The following NUBPL variants were observed in gnomAD, a reference collection of about 807,000 sequenced individuals.
The protein encoded by NUBPL is iron-sulfur cluster transfer protein NUBPL.
NUBPL carries 31 observed loss-of-function variants against 45.7 expected under a neutral mutation model. That is an observed-to-expected ratio of 0.68 (90% CI 0.51 to 0.92). NUBPL has a LOEUF of 0.92. Among genes scored for constraint, NUBPL ranks in the 40% least tolerant of loss-of-function variants. The pLI, the probability that NUBPL is intolerant of heterozygous loss-of-function variation, is 0.00. For missense variants in NUBPL, 401 were observed against 398.7 expected (o/e 1.01, Z -0.05); for synonymous variants, 144 against 140.9 (o/e 1.02, Z -0.15).
intron 4 of NUBPL, among the ~76,000 whole-genome samples, chr14:31,646,907 T>A (rs1449555208): frequency 6.6e-6 from 1 of 152,140 alleles, no homozygotes; most frequent in Non-Finnish European, 1.5e-5. Flanking sequence ...TTTTCTTTCT[T>A]TTTTCTCCTT....
chr14:31,860,932 A>G lies in NUBPL; in HGVS notation c.*1752A>G, dbSNP rs1272832618. On this transcript the variant is annotated 3_prime_UTR_variant, in exon 11 of 11. Transcript: ENST00000281081. ...CCATTTATATAACGTTCTTGAAGTG[A>G]CATAATTATAGAAATGGAGAACAGA... 6.6e-6 allele frequency: 1 copy of G among 152,228 alleles called. No individual in the cohort carries two copies. Among genetic ancestry groups the G allele is most frequent in the Non-Finnish European group, 1.5e-5 (1 of 68,050 alleles). The allele number at this position is 152,228 out of a possible 1,614,324, so 9.4% of individuals were successfully genotyped here.
intron 4 of NUBPL, among the ~76,000 whole-genome samples, chr14:31,649,916 A>G (rs779112062): frequency 1.3e-5 from 2 of 152,062 alleles, no homozygotes; most frequent in African/African-American, 2.4e-5. Context: ...CTGGATTGCA[A>G]TGGCGCAATC....
intron 6 of NUBPL, among the ~76,000 whole-genome samples, chr14:31,776,413 A>C (rs2039099159): frequency 6.6e-6 from 1 of 152,162 alleles, no homozygotes; most frequent in Non-Finnish European, 1.5e-5. Flanking sequence ...CAAGCACTGA[A>C]GCACCAGATT....
At chr14:31,644,327 C>T (rs184061542) in intron 4 of NUBPL, among the ~76,000 whole-genome samples, 8 of 151,802 alleles carry the variant, frequency 5.3e-5, no homozygotes, top group Admixed American at 3.3e-4. Context: ...TTTCCTGTAC[C>T]GTAGATTTTG....
At chr14:31,792,324 A>G (rs1213933173) in intron 7 of NUBPL, among the ~76,000 whole-genome samples, 1 of 152,184 alleles carries the variant, frequency 6.6e-6, no homozygotes, top group Non-Finnish European at 1.5e-5. Flanking sequence ...GGTGCTTACT[A>G]CATTCAGTAA....
At chr14:31,840,573 C>A (rs2138974310) in intron 8 of NUBPL, among the ~76,000 whole-genome samples, 2 of 116,528 alleles carry the variant, frequency 1.7e-5, no homozygotes, top group Admixed American at 8.9e-5. Context: ...GACTCCACAT[C>A]TCAAAAAAAA....
intron 2 of NUBPL, among the ~76,000 whole-genome samples, chr14:31,563,036 A>C (rs1018070728): frequency 1.2e-4 from 19 of 152,282 alleles, no homozygotes; most frequent in African/African-American, 4.3e-4. Flanking sequence ...TATTTGATAG[A>C]TACCATATTG....
intron 4 of NUBPL, among the ~76,000 whole-genome samples, chr14:31,659,743 A>C (rs1595451066): frequency 6.6e-6 from 1 of 152,312 alleles, no homozygotes; most frequent in East Asian, 1.9e-4. Flanking sequence ...TTCTGTTTAA[A>C]AAATACTTAG....
intron 4 of NUBPL, among the ~76,000 whole-genome samples, chr14:31,599,939 T>TTTTG (rs1209800837): frequency 6.6e-6 from 1 of 150,762 alleles, no homozygotes. Context: ...TTTTTTTTTT[T>TTTTG]GAGACAGAGT....
At chr14:31,598,052 G>A (rs1266285456) in intron 3 of NUBPL, among the ~76,000 whole-genome samples, 4 of 151,930 alleles carry the variant, frequency 2.6e-5, no homozygotes, top group Non-Finnish European at 5.9e-5. Flanking sequence ...ACCATTCTAT[G>A]AAAAATCAAG....
chr14:31,845,301 A>G (rs2040435117), intron 8 of NUBPL: 2 of 152,152 alleles, frequency 1.3e-5, no homozygotes, highest in Non-Finnish European at 2.9e-5. Flanking sequence ...TAACATTCTG[A>G]TAAGAGCTGA....
At chr14:31,697,384 G>A (rs2037236724) in intron 6 of NUBPL, among the ~76,000 whole-genome samples, 1 of 152,154 alleles carries the variant, frequency 6.6e-6, no homozygotes, top group East Asian at 1.9e-4. Flanking sequence ...AAAAAATAGT[G>A]AGGCTGAAGT....
intron 8 of NUBPL, among the ~76,000 whole-genome samples, chr14:31,828,954 G>A (rs998277632): frequency 6.6e-6 from 1 of 152,218 alleles, no homozygotes; most frequent in Non-Finnish European, 1.5e-5. Context: ...AAGGATATTA[G>A]CAAGGAAGTA....
chr14:31,822,984 C>A (rs141818260), intron 7 of NUBPL, among the ~76,000 whole-genome samples: 2 of 151,954 alleles, frequency 1.3e-5, no homozygotes, highest in Non-Finnish European at 2.9e-5. Flanking sequence ...TGTCCCTGAA[C>A]ATTTTAATAA....
chr14:31,700,853 C>A (rs112117761), intron 6 of NUBPL, among the ~76,000 whole-genome samples: 1 of 151,994 alleles, frequency 6.6e-6, no homozygotes, highest in Non-Finnish European at 1.5e-5. Flanking sequence ...GGTTCCCTCA[C>A]GGCCTGAGCC....
chr14:31,787,970 T>A (rs992862159), intron 7 of NUBPL, 97 bp downstream of exon 7: 64 of 766,110 alleles, frequency 8.4e-5, no homozygotes, highest in Non-Finnish European at 8.3e-5. Context: ...TATTTTGCCT[T>A]AAAAATATTC....
At chr14:31,647,473 A>C (rs1192402264) in intron 4 of NUBPL, among the ~76,000 whole-genome samples, 1 of 152,148 alleles carries the variant, frequency 6.6e-6, no homozygotes, top group Non-Finnish European at 1.5e-5. Flanking sequence ...ATTTGATCAG[A>C]GCACTGCCCA....
chr14:31,652,730 G>C (rs965020511), intron 4 of NUBPL, among the ~76,000 whole-genome samples: 4 of 152,010 alleles, frequency 2.6e-5, no homozygotes, highest in African/African-American at 7.3e-5. Flanking sequence ...ATTATGGAGA[G>C]GTTTTCCTTT....
At chr14:31,698,441 G>A (rs2139884754) in intron 6 of NUBPL, among the ~76,000 whole-genome samples, 1 of 151,074 alleles carries the variant, frequency 6.6e-6, no homozygotes, top group Admixed American at 6.6e-5. Context: ...CCTCTTTTAT[G>A]CCCTCATCAC....
Sources: allele counts gnomAD v4.1 joint callset (sites outside exome capture counted in the v4.1 genomes callset), GRCh38; gene constraint gnomAD v4.1.1; transcripts MANE v1.5; gene names NCBI Gene and HGNC (gene_info 2026-07-23, HGNC 2026-07-21).